Variants in PRDM12 observed in about 807,000 individuals in gnomAD.
PRDM12 encodes the protein PR domain zinc finger protein 12.
Under a neutral mutation model 29.6 loss-of-function variants are expected in PRDM12, and 17 were observed. The ratio of observed to expected loss-of-function variants is 0.57; its 90% confidence interval spans 0.39 to 0.86. The LOEUF (loss-of-function observed/expected upper bound fraction) is 0.86, where lower values mean the gene tolerates loss of function less well. PRDM12 is among the 40% of genes least tolerant of loss of function. The pLI is 0.00. For missense variants in PRDM12, 422 were observed against 510.8 expected, an observed-to-expected ratio of 0.83 and a Z score of 1.68; for synonymous variants, 231 against 225.8, an observed-to-expected ratio of 1.02 and a Z score of -0.21.
intron 3 of PRDM12, among the ~76,000 whole-genome samples, chr9:130,677,892 G>A (rs1214519276): frequency 8.5e-5 from 13 of 152,108 alleles, no homozygotes; most frequent in Non-Finnish European, 1.5e-4. Context: ...CCTAGGACGC[G>A]GTGAACTGGA....
chr9:130,668,922 C>T lies in PRDM12; in HGVS notation c.570+609C>T, dbSNP rs911464981. On this transcript the variant is annotated intron_variant, in intron 3 of 4. Transcript: ENST00000253008. This position sits in a 1 kb window ranked among gnomAD's most constrained non-coding sequence, Gnocchi z 4.0. ...ACTGACCAGAAAACCAGGTCTCCCT[C>T]GGTGGCAGCAGACTTGGGGGTTTTG... is the stretch of plus-strand genomic sequence containing the variant. Among the ~76,000 whole-genome samples, 1 of 152,134 alleles carries T rather than the reference C, an allele frequency of 6.6e-6. No homozygotes were observed. The highest frequency in any genetic ancestry group is 6.5e-5 in the Admixed American group (1 of 15,270).
intron 3 of PRDM12, among the ~76,000 whole-genome samples, chr9:130,677,010 T>C (rs1830849090): frequency 6.6e-6 from 1 of 152,098 alleles, no homozygotes; most frequent in Non-Finnish European, 1.5e-5. Flanking sequence ...TACTGCAACC[T>C]CTGCCTCCTG....
At chr9:130,680,688 A>G (rs1291274708) in intron 4 of PRDM12, among the ~76,000 whole-genome samples, 1 of 122,120 alleles carries the variant, frequency 8.2e-6, no homozygotes, top group Non-Finnish European at 1.6e-5. Context: ...GATCCTTACC[A>G]TGTTAGTATT....
chr9:130,680,659 A>ATATATT lies in PRDM12; in HGVS notation c.683-588_683-587insATATTT. Among the ~76,000 whole-genome samples the ATATATT allele has an allele frequency of 6.6e-3, 473 of 71,994 alleles. 3 individuals carry two copies. Among genetic ancestry groups the ATATATT allele is most frequent in the Admixed American group, 0.013 (67 of 5,248 alleles). The allele number at this position is 71,994 out of a possible 152,430, so 47.2% of individuals were successfully genotyped here. On this transcript the variant is annotated intron_variant, in intron 4 of 4. Transcript: ENST00000253008. ...AATATATATATATATATATATATAT[A>ATATATT]TTTTTTTTTTTTTTAACTGATCCTT...
In PRDM12 at chr9:130,668,151, T is replaced by C. The variant is rs1483058761; in HGVS notation, c.415-7T>C. 6.2e-7 allele frequency: 1 copy of C among 1,613,968 alleles called. No homozygotes were observed. The highest frequency in any genetic ancestry group is 2.2e-5 in the East Asian group (1 of 44,900). On this transcript the variant is annotated splice_region_variant and splice_polypyrimidine_tract_variant and intron_variant, in intron 2 of 4. Transcript: ENST00000253008. The surrounding 1 kb of genome is among the most constrained non-coding windows in gnomAD (Gnocchi z 4.0). ...CCTTACCTGGTCCTTGATCCATCTG[T>C]GCCCAGGTGTTCAATGAGGATGGCA... is the stretch of plus-strand genomic sequence containing the variant.
At chr9:130,671,926 T>C (rs948016312) in intron 3 of PRDM12, among the ~76,000 whole-genome samples, 4 of 152,250 alleles carry the variant, frequency 2.6e-5, no homozygotes, top group African/African-American at 4.8e-5. Flanking sequence ...GAATATACTA[T>C]TGCTGCTCTA....
chr9:130,665,823 C>A (rs1023540726), intron 1 of PRDM12, among the ~76,000 whole-genome samples: 5 of 152,214 alleles, frequency 3.3e-5, no homozygotes, highest in African/African-American at 1.2e-4. Flanking sequence ...AGAGGGGAAC[C>A]TTGTAAGACA....
Position 130,678,538 on chromosome 9 carries a change from C to T in PRDM12, c.580C>T (p.Pro194Ser). The part of the protein sequence containing the change: ...IFYKAIEMIP[P>S]DQELLVWYGN... ...GCCTTCTTCCCTGCAGATGATCCCA[C>T]CTGACCAGGAACTGCTGGTGTGGTA... is the stretch of plus-strand genomic sequence containing the variant. Residue 194 changes from proline to serine, a missense_variant, in exon 4 of 5, where the codon CCT becomes TCT. Pro to Ser is a moderately conservative substitution (Grantham distance 74). Coordinates refer to ENST00000253008, the MANE Select transcript of PRDM12 (RefSeq NM_021619.3). The T allele has an allele frequency of 6.2e-7, 1 of 1,612,382 alleles. No individual in the cohort carries two copies. Among genetic ancestry groups the T allele is most frequent in the Non-Finnish European group, 8.5e-7 (1 of 1,178,876 alleles).
intron 4 of PRDM12, among the ~76,000 whole-genome samples, chr9:130,680,630 AAAAAAT>A (rs1346469449): frequency 1.4e-5 from 1 of 70,638 alleles, no homozygotes; most frequent in African/African-American, 7.4e-5. Flanking sequence ...GTCTAAAAAA[AAAAAAT>A]ATATATATAT....
intron 3 of PRDM12, among the ~76,000 whole-genome samples, chr9:130,675,862 G>T (rs1333222824): frequency 2.6e-5 from 4 of 152,176 alleles, no homozygotes; most frequent in African/African-American, 2.4e-5. Context: ...ACATCAACGT[G>T]TCCGGTTTCA....
intron 3 of PRDM12, among the ~76,000 whole-genome samples, chr9:130,674,492 TTGTGTGTGTGTGTGTGTGTGTGTGTG>T (rs58489448): frequency 2.1e-5 from 3 of 142,796 alleles, no homozygotes; most frequent in Non-Finnish European, 4.5e-5. Context: ...AAAAGATAAT[TTGTGTGTGTGTGTGTGTGTGTGTGTG>T]TGTGTGTGTG....
intron 3 of PRDM12, among the ~76,000 whole-genome samples, chr9:130,674,308 C>T (rs985192118): frequency 5.3e-5 from 8 of 151,894 alleles, no homozygotes; most frequent in Admixed American, 2.0e-4. Context: ...CCACTGCGCC[C>T]GGCCCAATTT....
At chr9:130,670,648 C>T (rs1430653408) in intron 3 of PRDM12, among the ~76,000 whole-genome samples, 2 of 152,140 alleles carry the variant, frequency 1.3e-5, no homozygotes, top group Non-Finnish European at 2.9e-5. Flanking sequence ...ACAGAATGCA[C>T]CCTCCCAGAT....
Position 130,681,968 on chromosome 9 carries a change from A to G in PRDM12, c.*299A>G, listed in dbSNP as rs1431568388. On this transcript the variant is annotated 3_prime_UTR_variant, in exon 5 of 5. Transcript: ENST00000253008. This position sits in a 1 kb window ranked among gnomAD's most constrained non-coding sequence, Gnocchi z 8.1. ...CCCCCGAGTCTCCCTGCTGCTGTAG[A>G]GCCGGGCGCCCAGGCCGGCATCCCC... The G allele has an allele frequency of 6.3e-6, 1 of 159,786 alleles. No individual in the cohort carries two copies. Among genetic ancestry groups the G allele is most frequent in the African/African-American group, 2.4e-5 (1 of 41,420 alleles). 9.9% of individuals were successfully genotyped at this position (159,786 alleles called of 1,614,324 possible).
At chr9:130,674,603 T>G (rs1363285322) in intron 3 of PRDM12, among the ~76,000 whole-genome samples, 3 of 151,692 alleles carry the variant, frequency 2.0e-5, no homozygotes, top group Admixed American at 6.6e-5. Flanking sequence ...CATGCTACTC[T>G]CCATGAACTG....
At chr9:130,680,657 A>ATTTTTTTTTTTTTTTT (rs1399560598) in intron 4 of PRDM12, among the ~76,000 whole-genome samples, 8 of 87,494 alleles carry the variant, frequency 9.1e-5, no homozygotes, top group African/African-American at 5.6e-4. Flanking sequence ...ATATATATAT[A>ATTTTTTTTTTTTTTTT]TATTTTTTTT....
intron 4 of PRDM12, among the ~76,000 whole-genome samples, chr9:130,679,088 G>C (rs1830869450): frequency 6.6e-6 from 1 of 152,130 alleles, no homozygotes; most frequent in Non-Finnish European, 1.5e-5. Flanking sequence ...ATATTTCCTT[G>C]CCCTGTCGAT....
intron 3 of PRDM12, among the ~76,000 whole-genome samples, chr9:130,672,560 A>G (rs1830800106): frequency 6.6e-6 from 1 of 152,250 alleles, no homozygotes; most frequent in East Asian, 1.9e-4. Flanking sequence ...CATTTTTATG[A>G]CGGCGAAACT....
In PRDM12 at chr9:130,681,079, C is replaced by A. The variant is rs73551846; in HGVS notation, c.683-169C>A. On this transcript the variant is annotated intron_variant, in intron 4 of 4. Coordinates refer to ENST00000253008, the MANE Select transcript of PRDM12 (RefSeq NM_021619.3). The surrounding 1 kb of genome is among the most constrained non-coding windows in gnomAD (Gnocchi z 8.1). ...GACCCCCCAGCCGGGGTACCCTTCG[C>A]TGTCCCTCCAGTCCGTCTGCCACCG... Among the ~76,000 whole-genome samples the A allele has an allele frequency of 1.6e-3, 250 of 152,294 alleles. 1 individual carries two copies. The highest frequency in any genetic ancestry group is 5.9e-3 in the African/African-American group (244 of 41,594).
Sources: allele counts gnomAD v4.1 joint callset (sites outside exome capture counted in the v4.1 genomes callset), GRCh38; gene constraint gnomAD v4.1.1; non-coding constraint Gnocchi (gnomAD v3.1); transcripts MANE v1.5; gene names NCBI Gene and HGNC (gene_info 2026-07-23, HGNC 2026-07-21).